GAS7: variants seen among roughly 807,000 people sequenced by gnomAD.
The protein encoded by GAS7 is growth arrest-specific protein 7.
In GAS7, 28 loss-of-function variants were observed where a neutral mutation model predicts 71.1. That is an observed-to-expected ratio of 0.39 (90% CI 0.29 to 0.54). GAS7 has a LOEUF of 0.54. GAS7 is among the 20% of genes least tolerant of loss of function. The pLI, the probability that GAS7 is intolerant of heterozygous loss-of-function variation, is 0.62. For synonymous variants in GAS7, 258 were observed against 245.8 expected (o/e 1.05, Z -0.46); for missense variants, 436 against 627.8 (o/e 0.69, Z 3.27).
chr17:10,146,118 C>G (rs1597818536), intron 1 of GAS7, among the ~76,000 whole-genome samples: 1 of 152,168 alleles, frequency 6.6e-6, no homozygotes, highest in East Asian at 1.9e-4. Context: ...TCCCCAAACT[C>G]GGGGGTAAAA....
At chr17:10,054,162 CT>C (rs34465894) in intron 1 of GAS7, among the ~76,000 whole-genome samples, 67 of 147,268 alleles carry the variant, frequency 4.5e-4, no homozygotes, top group African/African-American at 6.4e-4. Flanking sequence ...ACTCTTTTAA[CT>C]TTTTTTTTTT....
rs1235118054 is a variant in GAS7, at chr17:9,919,228, T to C, written c.1218+398A>G. 6.6e-6 allele frequency among the ~76,000 whole-genome samples: 1 copy of C among 152,134 alleles called. No individual in the cohort carries two copies. The highest frequency in any genetic ancestry group is 1.5e-5 in the Non-Finnish European group (1 of 68,014). The stretch of plus-strand genomic sequence containing the variant: ...TCCATCCTCACCCATCCATCCACTT[T>C]GCAAGGATCTCCTACCAAGGACCTG... On this transcript the variant is annotated intron_variant, in intron 12 of 13. Transcript: ENST00000432992. The surrounding 1 kb of genome is among the most constrained non-coding windows in gnomAD (Gnocchi z 5.0).
At chr17:9,983,513 G>A (rs562938336) in intron 2 of GAS7, among the ~76,000 whole-genome samples, 2 of 149,558 alleles carry the variant, frequency 1.3e-5, no homozygotes, top group South Asian at 2.1e-4. Flanking sequence ...TAGGCCGGGC[G>A]CGGTGGCTCA....
At chr17:10,114,773 T>C (rs1567597729) in intron 1 of GAS7, among the ~76,000 whole-genome samples, 1 of 151,678 alleles carries the variant, frequency 6.6e-6, no homozygotes, top group African/African-American at 2.4e-5. Context: ...GAGATCGCAT[T>C]TTTCCACACC....
chr17:10,077,975 A>G (rs2073413170), intron 1 of GAS7, among the ~76,000 whole-genome samples: 1 of 152,198 alleles, frequency 6.6e-6, no homozygotes, highest in Non-Finnish European at 1.5e-5. Flanking sequence ...GCTTCTATTG[A>G]GATGAAAAAA....
chr17:10,047,502 G>A (rs11870445), intron 1 of GAS7, among the ~76,000 whole-genome samples: 15,569 of 152,126 alleles, frequency 0.1, 1,886 homozygotes, highest in African/African-American at 0.29. Flanking sequence ...AGATCCTGCC[G>A]TGTCAAGAAT....
chr17:9,942,814 G>T (rs984350887), intron 7 of GAS7, among the ~76,000 whole-genome samples: 2 of 152,216 alleles, frequency 1.3e-5, no homozygotes, highest in Non-Finnish European at 2.9e-5. Flanking sequence ...CAAGTGTCGC[G>T]TGAGGGATGT....
chr17:9,911,632 C>G lies in GAS7; in HGVS notation c.*5596G>C, dbSNP rs2067438330. On this transcript the variant is annotated 3_prime_UTR_variant, in exon 14 of 14. Transcript: ENST00000432992. The surrounding 1 kb of genome is among the most constrained non-coding windows in gnomAD (Gnocchi z 4.0). ...GCAATGGGAATTGCTTCTTCACCTC[C>G]AGGAAAGCCTCAACAAAAATACTCC... 1 of 232,742 alleles carries G rather than the reference C, an allele frequency of 4.3e-6. No individual in the cohort carries two copies. Among genetic ancestry groups the G allele is most frequent in the South Asian group, 1.8e-4 (1 of 5,526 alleles). The allele number at this position is 232,742 out of a possible 1,614,324, so 14.4% of individuals were successfully genotyped here. A position where few individuals can be genotyped will look rare whatever the true frequency, so the allele number is the denominator to read the frequency against.
chr17:9,951,570 C>T (rs1418726489), intron 5 of GAS7, among the ~76,000 whole-genome samples: 1 of 151,952 alleles, frequency 6.6e-6, no homozygotes, highest in East Asian at 1.9e-4. Flanking sequence ...CAGCCTGACC[C>T]ACATGGAGAA....
chr17:9,954,199 C>T (rs546950885), intron 5 of GAS7, among the ~76,000 whole-genome samples: 90 of 152,250 alleles, frequency 5.9e-4, no homozygotes, highest in African/African-American at 2.0e-3. Flanking sequence ...TGTCCCACTG[C>T]GTACCCCTCA....
intron 1 of GAS7, among the ~76,000 whole-genome samples, chr17:10,096,691 T>C (rs1490002365): frequency 1.3e-5 from 2 of 152,222 alleles, no homozygotes; most frequent in Non-Finnish European, 2.9e-5. Flanking sequence ...GGCTTCATCT[T>C]ATGGAAAAGG....
intron 2 of GAS7, among the ~76,000 whole-genome samples, chr17:9,988,647 G>A (rs986310600): frequency 7.9e-5 from 12 of 151,852 alleles, no homozygotes; most frequent in Non-Finnish European, 1.6e-4. Context: ...AGATCGCGTC[G>A]TTGCACTCCA....
intron 1 of GAS7, among the ~76,000 whole-genome samples, chr17:10,161,774 G>T (rs186600228): frequency 1.9e-4 from 29 of 152,200 alleles, no homozygotes; most frequent in African/African-American, 5.1e-4. Context: ...TTACAAAAAC[G>T]CCTTCCCAGG....
chr17:10,009,124 T>C (rs895677998), intron 2 of GAS7, among the ~76,000 whole-genome samples: 1 of 151,184 alleles, frequency 6.6e-6, no homozygotes, highest in Non-Finnish European at 1.5e-5. Context: ...ATCGAGACCA[T>C]CCCGGCTAAA....
rs1046509571 is a variant in GAS7, at chr17:9,912,780, A to G, written c.*4448T>C. 3 of 232,698 alleles carry G rather than the reference A, an allele frequency of 1.3e-5. No homozygotes were observed. Among genetic ancestry groups the G allele is most frequent in the Admixed American group, 5.6e-5 (1 of 17,780 alleles). 14.4% of individuals were successfully genotyped at this position (232,698 alleles called of 1,614,324 possible). On this transcript the variant is annotated 3_prime_UTR_variant, in exon 14 of 14. Transcript: ENST00000432992. ...GCAAGCTGGAAGTGGTCGTGCAAAC[A>G]AGTTGAAGACCCTGGGCCAAGAACT...
rs781346687 is a variant in GAS7 at position 10,198,193 on chromosome 17, G to A, written c.183+15C>T. On this transcript the variant is annotated intron_variant, in intron 1 of 13. Transcript: ENST00000432992. ...CGCAGCCCCGGCTCCTACAGCCCCGGCCCTCGCCCCTTACCTCCAGCAACT... is the reference window on the plus strand; with the variant it reads ...CGCAGCCCCGGCTCCTACAGCCCCGACCCTCGCCCCTTACCTCCAGCAACT... 3 of 1,605,332 alleles carry A rather than the reference G, an allele frequency of 1.9e-6. No homozygotes were observed. The highest frequency in any genetic ancestry group is 4.5e-5 in the East Asian group (2 of 44,766).
intron 1 of GAS7, among the ~76,000 whole-genome samples, chr17:10,078,707 G>A (rs975209452): frequency 6.6e-6 from 1 of 152,178 alleles, no homozygotes; most frequent in Non-Finnish European, 1.5e-5. Flanking sequence ...TCAATAGACA[G>A]TGTGTAAAAT....
chr17:10,108,337 A>C lies in GAS7; in HGVS notation c.184-88440T>G, dbSNP rs564553877. On this transcript the variant is annotated intron_variant, in intron 1 of 13. Coordinates refer to ENST00000432992, the MANE Select transcript of GAS7 (RefSeq NM_201433.2). ...GCTCAGATGTTTCTCATAGGTAAGGAATGAATCTCTGAGTTGGCCACTGCC... is the reference window on the plus strand; with the variant it reads ...GCTCAGATGTTTCTCATAGGTAAGGCATGAATCTCTGAGTTGGCCACTGCC... 2.6e-5 allele frequency among the ~76,000 whole-genome samples: 4 copies of C among 152,344 alleles called. No individual in the cohort carries two copies. In the East Asian group the frequency reaches 7.7e-4, roughly 29 times the overall value.
chr17:9,926,703 A>G lies in GAS7; in HGVS notation c.952T>C (p.Cys318Arg). 1 of 1,613,764 alleles carries G rather than the reference A, an allele frequency of 6.2e-7. No individual in the cohort carries two copies. The highest frequency in any genetic ancestry group is 8.5e-7 in the Non-Finnish European group (1 of 1,179,898). ...RENFKKDMKK[C>R]DHHIADLRKQ... Reference sequence around the variant, plus strand: ...CGAAGGTCGGCAATGTGGTGGTCGCACTTCTTCATGTCTTTCTTGAAGTTC... The same window carrying G: ...CGAAGGTCGGCAATGTGGTGGTCGCGCTTCTTCATGTCTTTCTTGAAGTTC... Residue 318 changes from cysteine (C) to arginine (R), a missense_variant, in exon 10 of 14, where the codon TGC becomes CGC. By Grantham distance (180) the Cys-to-Arg change is radical (BLOSUM62 -3). Transcript: ENST00000432992. This position sits in a 1 kb window ranked among gnomAD's most constrained non-coding sequence, Gnocchi z 5.0.
Sources: allele counts gnomAD v4.1 joint callset (sites outside exome capture counted in the v4.1 genomes callset), GRCh38; gene constraint gnomAD v4.1.1; non-coding constraint Gnocchi (gnomAD v3.1); transcripts MANE v1.5; gene names NCBI Gene and HGNC (gene_info 2026-07-23, HGNC 2026-07-21).